Variants in GNA14 observed in about 807,000 individuals in gnomAD.
GNA14 encodes guanine nucleotide-binding protein subunit alpha-14.
Under a neutral mutation model 42.0 loss-of-function variants are expected in GNA14, and 50 were observed. The observed-to-expected ratio is 1.19, with a 90% CI of 0.95 to 1.51. The LOEUF (loss-of-function observed/expected upper bound fraction) is 1.51, where lower values mean the gene tolerates loss of function less well. GNA14 is among the 40% of genes most tolerant of loss of function. The pLI is 0.00. For synonymous variants in GNA14, 173 were observed against 163.1 expected, an observed-to-expected ratio of 1.06 and a Z score of -0.46; for missense variants, 473 against 446.2, an observed-to-expected ratio of 1.06 and a Z score of -0.54.
At chr9:77,489,732 G>A (rs1322870921) in intron 2 of GNA14, among the ~76,000 whole-genome samples, 6 of 152,120 alleles carry the variant, frequency 3.9e-5, no homozygotes, top group Admixed American at 3.9e-4. Flanking sequence ...CGCGTCTGGA[G>A]TTGTTCATTT....
chr9:77,606,737 C>A (rs1823650678), intron 1 of GNA14, among the ~76,000 whole-genome samples: 1 of 152,302 alleles, frequency 6.6e-6, no homozygotes, highest in East Asian at 1.9e-4. Flanking sequence ...ACATCTTCAA[C>A]CTCCTTAAGC....
Position 77,647,730 on chromosome 9 carries a change from C to T in GNA14, c.64G>A (p.Glu22Lys), listed in dbSNP as rs760355213. The T allele has an allele frequency of 3.1e-6, 5 of 1,609,560 alleles. No homozygotes were observed. The highest frequency in any genetic ancestry group is 1.1e-5 in the South Asian group (1 of 90,128). Residue 22 changes from glutamate to lysine, a missense_variant, in exon 1 of 7, where the codon GAG becomes AAG. Glu to Lys is a moderately conservative substitution (Grantham distance 56). Transcript: ENST00000341700. Reference sequence around the variant, plus strand: ...TTCTTGTCCCGACGAAGCTGTCGCTCGATCTCCGCGCTGATGCGCTGCGAC... The same window carrying T: ...TTCTTGTCCCGACGAAGCTGTCGCTTGATCTCCGCGCTGATGCGCTGCGAC... ...KESQRISAEI[E>K]RQLRRDKKDA...
chr9:77,507,338 T>C (rs1328683157), intron 2 of GNA14, among the ~76,000 whole-genome samples: 1 of 152,156 alleles, frequency 6.6e-6, no homozygotes, highest in Non-Finnish European at 1.5e-5. Context: ...AGAGGTCAGG[T>C]CTCAAAAGGA....
chr9:77,432,991 T>C (rs770215329), intron 3 of GNA14, among the ~76,000 whole-genome samples: 19 of 152,258 alleles, frequency 1.2e-4, no homozygotes, highest in Non-Finnish European at 2.2e-4. Context: ...TGTATTTTCC[T>C]GCCTTGATGC....
At chr9:77,464,351 ATGTGTGTGTGTGTGTGTG>A (rs35743834) in intron 2 of GNA14, among the ~76,000 whole-genome samples, 2 of 144,706 alleles carry the variant, frequency 1.4e-5, no homozygotes, top group African/African-American at 5.1e-5. Flanking sequence ...GTGTGTGTAT[ATGTGTGTGTGTGTGTGTG>A]TGTGTGTGTG....
At chr9:77,479,376 A>C (rs375056440) in intron 2 of GNA14, among the ~76,000 whole-genome samples, 2 of 151,700 alleles carry the variant, frequency 1.3e-5, no homozygotes, top group African/African-American at 4.8e-5. Context: ...TGTTCCATTG[A>C]TCTATATCTC....
At chr9:77,537,271 T>C (rs11145470) in intron 1 of GNA14, among the ~76,000 whole-genome samples, 101,482 of 151,982 alleles carry the variant, frequency 0.67, 34,116 homozygotes, top group Admixed American at 0.72. Flanking sequence ...TTTATTATTC[T>C]ATTCTCGGCT....
chr9:77,554,096 C>T (rs1160172685), intron 1 of GNA14, among the ~76,000 whole-genome samples: 4 of 152,146 alleles, frequency 2.6e-5, no homozygotes, highest in Non-Finnish European at 2.9e-5. Flanking sequence ...CTGCCACTTA[C>T]CTGCTGCCTC....
At chr9:77,483,039 CCTT>C (rs1836586779) in intron 2 of GNA14, among the ~76,000 whole-genome samples, 2 of 152,150 alleles carry the variant, frequency 1.3e-5, no homozygotes, top group Non-Finnish European at 2.9e-5. Flanking sequence ...TCGTCTGAAG[CCTT>C]CTTCTCTCAA....
At chr9:77,546,473 C>T (rs1215900510) in intron 1 of GNA14, among the ~76,000 whole-genome samples, 3 of 152,066 alleles carry the variant, frequency 2.0e-5, no homozygotes, top group Non-Finnish European at 4.4e-5. Context: ...TTTTCTGGCG[C>T]ACAGCTGTGA....
chr9:77,629,192 C>T (rs949358439), intron 1 of GNA14, among the ~76,000 whole-genome samples: 2 of 152,148 alleles, frequency 1.3e-5, no homozygotes, highest in Non-Finnish European at 2.9e-5. Flanking sequence ...CCCTCTCACG[C>T]CAGTTAGAAT....
chr9:77,430,124 AC>A (rs1316938692), intron 4 of GNA14, among the ~76,000 whole-genome samples: 1 of 152,218 alleles, frequency 6.6e-6, no homozygotes, highest in Non-Finnish European at 1.5e-5. Flanking sequence ...ACAGCAGGGA[AC>A]CGATCTTGAA....
rs551357946 is a variant in GNA14, at chr9:77,450,361, G to A, written c.310-15839C>T. Reference sequence around the variant, plus strand: ...AGGCTCTTAATAAAGGGCAGAGACCGTAATCCTCATCTTCATCCATCTCCC... The same window carrying A: ...AGGCTCTTAATAAAGGGCAGAGACCATAATCCTCATCTTCATCCATCTCCC... On this transcript the variant is annotated intron_variant, in intron 2 of 6. Coordinates refer to ENST00000341700, the MANE Select transcript of GNA14 (RefSeq NM_004297.4). 2.1e-4 allele frequency among the ~76,000 whole-genome samples: 32 copies of A among 152,268 alleles called. No individual in the cohort carries two copies. In the South Asian group the frequency reaches 4.1e-3, roughly 20 times the overall value.
intron 1 of GNA14, among the ~76,000 whole-genome samples, chr9:77,647,038 C>T (rs952433387): frequency 6.6e-6 from 1 of 152,210 alleles, no homozygotes; most frequent in African/African-American, 2.4e-5. Context: ...CCATGGGAGG[C>T]AGGCATAGGA....
chr9:77,508,865 G>A (rs1255419565), intron 2 of GNA14, among the ~76,000 whole-genome samples: 1 of 152,142 alleles, frequency 6.6e-6, no homozygotes, highest in Non-Finnish European at 1.5e-5. Flanking sequence ...CCAATTTCCA[G>A]CATCAAGGAG....
intron 2 of GNA14, among the ~76,000 whole-genome samples, chr9:77,437,574 G>C (rs1345415351): frequency 6.6e-6 from 1 of 150,376 alleles, no homozygotes; most frequent in Non-Finnish European, 1.5e-5. Context: ...GAGAGAGAGA[G>C]AGAGAGGAAG....
intron 1 of GNA14, chr9:77,580,527 C>A: frequency 2.2e-6 from 1 of 447,986 alleles, no homozygotes; most frequent in South Asian, 2.3e-5. Context: ...TAGATGAAGA[C>A]CCCATCATCG....
intron 1 of GNA14, among the ~76,000 whole-genome samples, chr9:77,531,344 G>A (rs1016871682): frequency 1.1e-4 from 16 of 152,136 alleles, no homozygotes; most frequent in Non-Finnish European, 1.8e-4. Context: ...ATGAGACCAC[G>A]TGCCCCTGGG....
intron 2 of GNA14, among the ~76,000 whole-genome samples, chr9:77,449,054 T>C (rs1835866978): frequency 6.6e-6 from 1 of 152,232 alleles, no homozygotes; most frequent in Non-Finnish European, 1.5e-5. Context: ...TGTAAGATTA[T>C]AATGCAGCAT....
Sources: gnomAD v4.1 joint callset for allele counts (sites outside exome capture counted in the v4.1 genomes callset) on GRCh38, gnomAD v4.1.1 for gene constraint, MANE v1.5 for transcripts, NCBI Gene and HGNC (gene_info 2026-07-23, HGNC 2026-07-21) for gene names.